The following SNX29 variants were observed in gnomAD, a reference collection of about 807,000 sequenced individuals.
SNX29 encodes sorting nexin-29.
Under a neutral mutation model 102.1 loss-of-function variants are expected in SNX29, and 78 were observed. The ratio of observed to expected loss-of-function variants is 0.76; its 90% CI spans 0.64 to 0.92. The LOEUF (loss-of-function observed/expected upper bound fraction) is 0.92, where lower values mean the gene tolerates loss of function less well. SNX29 is among the 40% of genes least tolerant of loss of function. The pLI is 0.00. For synonymous variants in SNX29, 580 were observed against 414.5 expected, an observed-to-expected ratio of 1.40 and a Z score of -4.85; for missense variants, 1,280 against 1,061.7, an observed-to-expected ratio of 1.21 and a Z score of -2.86.
intron 20 of SNX29, among the ~76,000 whole-genome samples, chr16:12,539,794 C>T (rs149277392): frequency 3.3e-5 from 5 of 152,284 alleles, no homozygotes; most frequent in African/African-American, 4.8e-5. Flanking sequence ...TGATGTTGAG[C>T]ATATTTTCAT....
intron 20 of SNX29, 44 bp downstream of exon 20, chr16:12,524,885 AT>A (rs1364925516): frequency 6.3e-7 from 1 of 1,592,596 alleles, no homozygotes; most frequent in African/African-American, 1.4e-5. Flanking sequence ...CCCTGCCAGC[AT>A]TTTTTTCTCG....
chr16:12,356,344 A>C (rs1432905976), intron 16 of SNX29, 65 bp downstream of exon 16: 1 of 1,392,048 alleles, frequency 7.2e-7, no homozygotes, highest in Non-Finnish European at 9.9e-7. Flanking sequence ...GTAGAAAAGC[A>C]CAGAGACTCA....
intron 9 of SNX29, among the ~76,000 whole-genome samples, chr16:12,067,755 T>A (rs2051101778): frequency 6.6e-6 from 1 of 152,208 alleles, no homozygotes; most frequent in South Asian, 2.1e-4. Flanking sequence ...CCCAAAGTGG[T>A]GGGATTACAG....
chr16:12,430,924 C>T (rs1163302188), intron 18 of SNX29, among the ~76,000 whole-genome samples: 1 of 151,428 alleles, frequency 6.6e-6, no homozygotes, highest in African/African-American at 2.4e-5. Context: ...ACAATCTCTG[C>T]TCACTGCAAC....
intron 15 of SNX29, among the ~76,000 whole-genome samples, chr16:12,324,563 G>A (rs1397324228): frequency 2.6e-5 from 4 of 152,224 alleles, no homozygotes; most frequent in African/African-American, 9.6e-5. Flanking sequence ...CTGAGCCACT[G>A]TGCCTGTCAA....
intron 19 of SNX29, among the ~76,000 whole-genome samples, chr16:12,508,885 A>G (rs1283099992): frequency 6.6e-6 from 1 of 152,118 alleles, no homozygotes; most frequent in Non-Finnish European, 1.5e-5. Flanking sequence ...TGGAAAGAAC[A>G]TGGCCCTGGA....
intron 14 of SNX29, among the ~76,000 whole-genome samples, chr16:12,215,098 C>A (rs1392752781): frequency 6.6e-6 from 1 of 152,152 alleles, no homozygotes; most frequent in African/African-American, 2.4e-5. Flanking sequence ...AGCCAACATG[C>A]ATTAAGCACC....
chr16:12,383,538 G>A (rs1463609958), intron 16 of SNX29, among the ~76,000 whole-genome samples: 2 of 151,836 alleles, frequency 1.3e-5, no homozygotes, highest in Non-Finnish European at 2.9e-5. Context: ...CTGGGTTCAA[G>A]CGATTCTTCT....
At chr16:12,259,240 A>G (rs1017856506) in intron 14 of SNX29, among the ~76,000 whole-genome samples, 5 of 152,340 alleles carry the variant, frequency 3.3e-5, no homozygotes, top group African/African-American at 1.2e-4. Context: ...ACGTGGGGAA[A>G]AAAAATGCAC....
At chr16:12,551,076 A>G (rs972523755) in intron 20 of SNX29, among the ~76,000 whole-genome samples, 2 of 152,176 alleles carry the variant, frequency 1.3e-5, no homozygotes, top group Admixed American at 1.3e-4. Context: ...TTTCATCTCC[A>G]TGTGATCCTC....
chr16:12,229,774 G>A (rs117325885), intron 14 of SNX29, among the ~76,000 whole-genome samples: 2 of 152,136 alleles, frequency 1.3e-5, no homozygotes, highest in Non-Finnish European at 1.5e-5. Flanking sequence ...CTGAGCTGAC[G>A]CTGAGGTTAC....
intron 6 of SNX29, among the ~76,000 whole-genome samples, chr16:12,046,744 C>T (rs754068294): frequency 2.6e-5 from 4 of 152,172 alleles, no homozygotes; most frequent in African/African-American, 4.8e-5. Context: ...CTCAACCTTC[C>T]GAGAAGCTGG....
intron 1 of SNX29, among the ~76,000 whole-genome samples, chr16:11,988,692 G>A (rs1159862988): frequency 6.6e-6 from 1 of 152,092 alleles, no homozygotes; most frequent in Non-Finnish European, 1.5e-5. Flanking sequence ...GAGCCACCAT[G>A]CTTGGCCTAT....
chr16:12,090,582 T>G (rs1429541484), intron 11 of SNX29, among the ~76,000 whole-genome samples: 1 of 152,208 alleles, frequency 6.6e-6, no homozygotes, highest in East Asian at 1.9e-4. Flanking sequence ...GGTTTAGGGT[T>G]TGAATTCTAG....
chr16:12,356,785 GGCTGTTCTGAGC>G (rs2082148182), intron 16 of SNX29, among the ~76,000 whole-genome samples: 1 of 152,178 alleles, frequency 6.6e-6, no homozygotes, highest in South Asian at 2.1e-4. Flanking sequence ...TTATTGTGAG[GGCTGTTCTGAGC>G]ATTGTGGGAT....
chr16:12,058,814 T>G (rs1178554619), intron 8 of SNX29, among the ~76,000 whole-genome samples: 51 of 146,732 alleles, frequency 3.5e-4, no homozygotes, highest in South Asian at 4.7e-4. Context: ...TTTTTTTTTT[T>G]TTTTTTTTTT....
At chr16:12,263,878 G>A (rs13335852) in intron 14 of SNX29, among the ~76,000 whole-genome samples, 90,721 of 151,950 alleles carry the variant, frequency 0.6, 27,559 homozygotes, top group Middle Eastern at 0.65. Flanking sequence ...GTTCTGAGAA[G>A]CTAGATGGAG....
intron 16 of SNX29, among the ~76,000 whole-genome samples, chr16:12,366,788 CCTCT>C (rs939694657): frequency 4.0e-5 from 6 of 150,988 alleles, no homozygotes; most frequent in African/African-American, 1.5e-4. Context: ...TCTTTCTCTC[CCTCT>C]CTCTCCTTTT....
intron 20 of SNX29, among the ~76,000 whole-genome samples, chr16:12,566,370 A>C (rs766474951): frequency 6.6e-6 from 1 of 151,826 alleles, no homozygotes; most frequent in Non-Finnish European, 1.5e-5. Context: ...TCCTCTCCCA[A>C]CCAACAAGGC....
Sources: allele counts gnomAD v4.1 joint callset (sites outside exome capture counted in the v4.1 genomes callset), GRCh38; gene constraint gnomAD v4.1.1; transcripts MANE v1.5; gene names NCBI Gene and HGNC (gene_info 2026-07-23, HGNC 2026-07-21).